The following CD59 variants were observed in gnomAD, a reference collection of about 807,000 sequenced individuals.
The protein encoded by CD59 is CD59 glycoprotein.
In CD59, 3 loss-of-function variants were observed where a neutral mutation model predicts 7.0. The ratio of observed to expected loss-of-function variants is 0.43; its 90% confidence interval spans 0.19 to 1.10. CD59 has a LOEUF of 1.10. Among genes scored for constraint, CD59 ranks in the 50% least tolerant of loss-of-function variants. The probability of loss-of-function intolerance (pLI) is 0.29; values close to 1 mark genes in which losing one functional copy is unlikely to be tolerated. For missense variants in CD59, 143 were observed against 151.0 expected (o/e 0.95, Z 0.28); for synonymous variants, 60 against 62.0 (o/e 0.97, Z 0.15).
chr11:33,733,609 G>A (rs1416315065), intron 1 of CD59: 1 of 151,388 alleles, frequency 6.6e-6, no homozygotes, highest in Non-Finnish European at 1.5e-5. Flanking sequence ...AACAGAGAGA[G>A]ACTGTCTCAA....
At chr11:33,728,616 G>C (rs1226065225) in intron 1 of CD59, among the ~76,000 whole-genome samples, 3 of 152,160 alleles carry the variant, frequency 2.0e-5, no homozygotes, top group Non-Finnish European at 4.4e-5. Flanking sequence ...CATGGACAAA[G>C]ACTTCATGAC....
At position 33,709,863 on chromosome 11, in the gene CD59, G is replaced by A. The variant is rs572909545; in HGVS notation, c.*263C>T. On this transcript the variant is annotated 3_prime_UTR_variant, in exon 4 of 4. Coordinates refer to ENST00000642928, the MANE Select transcript of CD59 (RefSeq NM_000611.6). ...GTCACTGCAAAGCTGGTCTTCCCAA[G>A]AGCAAAGGAGGAAGCATGCAATCTA... is the stretch of plus-strand genomic sequence containing the variant. The A allele has an allele frequency of 3.0e-5, 17 of 570,080 alleles. No individual in the cohort carries two copies. The highest frequency in any genetic ancestry group is 2.9e-4 in the South Asian group (14 of 49,100). 35.3% of individuals were successfully genotyped at this position (570,080 alleles called of 1,614,324 possible).
chr11:33,712,267 A>T (rs1853591556), intron 3 of CD59, among the ~76,000 whole-genome samples: 1 of 152,248 alleles, frequency 6.6e-6, no homozygotes. Flanking sequence ...GGCCAGATGT[A>T]TACACTCCAA....
chr11:33,723,053 G>T, intron 1 of CD59: 1 of 747,688 alleles, frequency 1.3e-6, no homozygotes, highest in Non-Finnish European at 1.6e-6. Flanking sequence ...GATAGCATCA[G>T]GTGAGAAGAA....
At chr11:33,721,274 G>A (rs1036170878) in intron 2 of CD59, among the ~76,000 whole-genome samples, 8 of 152,210 alleles carry the variant, frequency 5.3e-5, no homozygotes, top group South Asian at 4.1e-4. Flanking sequence ...GTGTCCTGGC[G>A]CCAAGTTACT....
In CD59 at chr11:33,710,024, A is replaced by G. The variant is rs1258922394; in HGVS notation, c.*102T>C. The G allele has an allele frequency of 4.1e-6, 4 of 965,630 alleles. No individual in the cohort carries two copies. Among genetic ancestry groups the G allele is most frequent in the African/African-American group, 3.2e-5 (2 of 61,952 alleles). The allele number at this position is 965,630 out of a possible 1,614,324, so 59.8% of individuals were successfully genotyped here. On this transcript the variant is annotated 3_prime_UTR_variant, in exon 4 of 4. Transcript: ENST00000642928. Reference sequence around the variant, plus strand: ...CTCAAGCTAATTTTATTCTTTCCCAACAGGATCCATTTGGAAAATATCAAG... The same window carrying G: ...CTCAAGCTAATTTTATTCTTTCCCAGCAGGATCCATTTGGAAAATATCAAG...
intron 1 of CD59, chr11:33,722,852 G>A: frequency 1.1e-6 from 1 of 930,670 alleles, no homozygotes. Context: ...TCAGACCAAA[G>A]GGGTGACTCT....
chr11:33,716,235 CCT>C (rs1426392353), intron 3 of CD59, among the ~76,000 whole-genome samples: 2 of 152,084 alleles, frequency 1.3e-5, no homozygotes, highest in African/African-American at 4.8e-5. Context: ...ATCAGATGCC[CCT>C]GTTTTTTTAG....
chr11:33,716,323 G>C (rs1443007654), intron 3 of CD59, among the ~76,000 whole-genome samples: 2 of 152,090 alleles, frequency 1.3e-5, no homozygotes, highest in Non-Finnish European at 2.9e-5. Flanking sequence ...TTTATCTCAG[G>C]TTTTTCTGAA....
intron 3 of CD59, 44 bp from the exon 4 acceptor site, chr11:33,710,387 G>A (rs1388360578): frequency 7.0e-7 from 1 of 1,436,160 alleles, no homozygotes; most frequent in East Asian, 2.3e-5. Flanking sequence ...AGTGGGAAGA[G>A]TTCTGTATCT....
intron 1 of CD59, among the ~76,000 whole-genome samples, chr11:33,734,177 C>A (rs1166844671): frequency 6.6e-6 from 1 of 152,224 alleles, no homozygotes; most frequent in Non-Finnish European, 1.5e-5. Context: ...AGCGCCCAGA[C>A]AAACATCCAT....
chr11:33,724,228 C>T (rs190742671), intron 1 of CD59, among the ~76,000 whole-genome samples: 31 of 152,376 alleles, frequency 2.0e-4, no homozygotes, highest in African/African-American at 7.2e-4. Context: ...GCAGGAGCTG[C>T]CGGTTCAGGA....
At chr11:33,718,502 A>C (rs1187372522) in intron 2 of CD59, 1 of 151,874 alleles carries the variant, frequency 6.6e-6, no homozygotes, top group Non-Finnish European at 1.5e-5. Context: ...AAAAATTGCT[A>C]TCTGGTCCTG....
Position 33,709,780 on chromosome 11 carries a change from T to A in CD59, c.*346A>T, listed in dbSNP as rs1214523026. 2.4e-6 allele frequency: 1 copy of A among 419,642 alleles called. No individual in the cohort carries two copies. Among genetic ancestry groups the A allele is most frequent in the Non-Finnish European group, 4.4e-6 (1 of 225,042 alleles). The allele number at this position is 419,642 out of a possible 1,614,324, so 26.0% of individuals were successfully genotyped here. On this transcript the variant is annotated 3_prime_UTR_variant, in exon 4 of 4. Coordinates refer to ENST00000642928, the MANE Select transcript of CD59 (RefSeq NM_000611.6). Reference sequence around the variant, plus strand: ...AGATGTACTAATGATGCTAACTGACTACATCCAAGGAGCCAGAGGAAAAAT... The same window carrying A: ...AGATGTACTAATGATGCTAACTGACAACATCCAAGGAGCCAGAGGAAAAAT...
chr11:33,733,497 G>T (rs1483457378), intron 1 of CD59: 1 of 152,186 alleles, frequency 6.6e-6, no homozygotes, highest in African/African-American at 2.4e-5. Context: ...GCACTCACCT[G>T]TAATCCCAGC....
chr11:33,732,718 ACAGG>A (rs1459324207), intron 1 of CD59, among the ~76,000 whole-genome samples: 106 of 152,308 alleles, frequency 7.0e-4, no homozygotes, highest in Middle Eastern at 3.4e-3. Context: ...GCCTCCAATT[ACAGG>A]GGGAGGAAAC....
In CD59 at chr11:33,705,246, G is replaced by C. The variant is rs985046985; in HGVS notation, c.*4880C>G. On this transcript the variant is annotated 3_prime_UTR_variant, in exon 4 of 4. Transcript: ENST00000642928. ...TGTTATCCTGACAGTAACACTTATAGGGTAGGTCTGTCAGAATTTTCTGTC... is the reference window on the plus strand; with the variant it reads ...TGTTATCCTGACAGTAACACTTATACGGTAGGTCTGTCAGAATTTTCTGTC... 6.6e-6 allele frequency: 1 copy of C among 152,178 alleles called. No homozygotes were observed. The highest frequency in any genetic ancestry group is 1.5e-5 in the Non-Finnish European group (1 of 68,032). The allele number at this position is 152,178 out of a possible 1,614,324, so 9.4% of individuals were successfully genotyped here.
rs1170669690 is a variant in CD59 at position 33,708,758 on chromosome 11, CTT to C, written c.*1366_*1367del. ...AGAAAGCTGGCACTGCTCAGGATGT[CTT>C]CTTTCAGTTGCTACCATTAAGCATA... On this transcript the variant is annotated 3_prime_UTR_variant, in exon 4 of 4. Transcript: ENST00000642928. The C allele has an allele frequency of 6.6e-6, 1 of 152,214 alleles. No individual in the cohort carries two copies. The highest frequency in any genetic ancestry group is 1.5e-5 in the Non-Finnish European group (1 of 68,050). The allele number at this position is 152,214 out of a possible 1,614,324, so 9.4% of individuals were successfully genotyped here. A position where few individuals can be genotyped will look rare whatever the true frequency, so the allele number is the denominator to read the frequency against.
At chr11:33,730,783 G>A (rs1854394276) in intron 1 of CD59, among the ~76,000 whole-genome samples, 1 of 152,128 alleles carries the variant, frequency 6.6e-6, no homozygotes, top group African/African-American at 2.4e-5. Flanking sequence ...CCCTTACAGG[G>A]TGCCACAAGT....
Sources: gnomAD v4.1 joint callset for allele counts (sites outside exome capture counted in the v4.1 genomes callset) on GRCh38, gnomAD v4.1.1 for gene constraint, MANE v1.5 for transcripts, NCBI Gene and HGNC (gene_info 2026-07-23, HGNC 2026-07-21) for gene names.